Variants in ZC3H7A observed in about 807,000 individuals in gnomAD.
ZC3H7A encodes the protein zinc finger CCCH domain-containing protein 7A.
In ZC3H7A, 44 loss-of-function variants were observed where a neutral mutation model predicts 125.5. The observed-to-expected ratio is 0.35, with a 90% CI of 0.28 to 0.45. The LOEUF (loss-of-function observed/expected upper bound fraction) is 0.45. ZC3H7A is among the 20% of genes least tolerant of loss of function. ZC3H7A has a pLI of 1.00. For synonymous variants in ZC3H7A, 399 were observed against 391.2 expected (o/e 1.02, Z -0.23); for missense variants, 977 against 1,170.7 (o/e 0.83, Z 2.41).
At chr16:11,779,634 C>A (rs1470994300) in intron 3 of ZC3H7A, among the ~76,000 whole-genome samples, 2 of 152,174 alleles carry the variant, frequency 1.3e-5, no homozygotes, top group African/African-American at 4.8e-5. Flanking sequence ...CAATTCTGTG[C>A]CCGCTAGAGA....
intron 21 of ZC3H7A, among the ~76,000 whole-genome samples, chr16:11,754,982 G>T (rs1053191852): frequency 6.6e-6 from 1 of 151,290 alleles, no homozygotes; most frequent in Non-Finnish European, 1.5e-5. Flanking sequence ...GGCTGAGGCG[G>T]GTGGATCACA....
Position 11,782,382 on chromosome 16 carries a change from G to C in ZC3H7A, c.-28C>G, listed in dbSNP as rs367981608. The C allele has an allele frequency of 2.0e-5, 33 of 1,613,380 alleles. No individual in the cohort carries two copies. The African/African-American group carries it at 4.3e-4, about 21-fold the overall frequency. On this transcript the variant is annotated 5_prime_UTR_variant, in exon 2 of 23. Transcript: ENST00000355758. The stretch of plus-strand genomic sequence containing the variant: ...TATCCCACACATCCACTTTCTAAAT[G>C]AGCAATCTGGAAAGAAACAAGGCAA...
chr16:11,784,799 A>G (rs1168969157), intron 1 of ZC3H7A, among the ~76,000 whole-genome samples: 3 of 149,130 alleles, frequency 2.0e-5, no homozygotes, highest in Non-Finnish European at 4.4e-5. Flanking sequence ...GGTTGCAGTG[A>G]GCCAAGATCA....
chr16:11,770,130 C>A (rs2052953816), intron 10 of ZC3H7A, among the ~76,000 whole-genome samples: 1 of 151,976 alleles, frequency 6.6e-6, no homozygotes, highest in Non-Finnish European at 1.5e-5. Flanking sequence ...TTTCTCTCTG[C>A]CCTTCTGTCT....
In ZC3H7A at chr16:11,762,680, A is replaced by G; in HGVS notation, c.2070T>C (p.Pro690=). The G allele has an allele frequency of 1.2e-6, 2 of 1,614,044 alleles. No homozygotes were observed. Among genetic ancestry groups the G allele is most frequent in the Non-Finnish European group, 8.5e-7 (1 of 1,179,986 alleles). The stretch of plus-strand genomic sequence containing the variant: ...CACAAGAGAAAAATACCTGCGCTCC[A>G]GGTACATTTGCTTCCAAATTCTGCC... ...RYWQNLEANV[P]GAQVLGNQIM... The change falls in exon 17 of 23, where the codon CCT becomes CCC. Residue 690 remains proline (P), a synonymous_variant. Coordinates refer to ENST00000355758, the MANE Select transcript of ZC3H7A (RefSeq NM_014153.4).
intron 3 of ZC3H7A, 21 bp from the exon 4 acceptor site, chr16:11,779,384 A>G (rs2053136663): frequency 5.0e-6 from 8 of 1,596,758 alleles, no homozygotes; most frequent in Non-Finnish European, 6.0e-6. Context: ...GAAAGTTACC[A>G]CTTGAAGCCT....
At chr16:11,764,592 G>A (rs1017389226) in intron 15 of ZC3H7A, among the ~76,000 whole-genome samples, 16 of 151,880 alleles carry the variant, frequency 1.1e-4, no homozygotes, top group Middle Eastern at 3.4e-3. Flanking sequence ...CCTAGTGGTG[G>A]GTGTCTGTAA....
rs2303821 is a variant in ZC3H7A, at chr16:11,752,847, A to G, written c.2563-15T>C. On this transcript the variant is annotated splice_polypyrimidine_tract_variant and intron_variant, in intron 21 of 22. Transcript: ENST00000355758. ...TGAAAGTCCACCTAATGTGCAGCAAAGACACATGTCCCATTAGTCACCTGA... is the reference window on the plus strand; with the variant it reads ...TGAAAGTCCACCTAATGTGCAGCAAGGACACATGTCCCATTAGTCACCTGA... The G allele has an allele frequency of 4.3e-5, 69 of 1,609,758 alleles. 2 individuals carry two copies. In the East Asian group the frequency reaches 1.3e-3, roughly 30 times the overall value.
chr16:11,795,490 G>A (rs925603742), intron 1 of ZC3H7A, among the ~76,000 whole-genome samples: 12 of 152,254 alleles, frequency 7.9e-5, no homozygotes, highest in Admixed American at 2.0e-4. Flanking sequence ...AGGGAGGAGT[G>A]CAGTGGCACA....
At chr16:11,796,254 T>C (rs1489293989) in intron 1 of ZC3H7A, 1 of 152,246 alleles carries the variant, frequency 6.6e-6, no homozygotes, top group Non-Finnish European at 1.5e-5. Context: ...CATCCGAAGT[T>C]TTTAAAATCA....
At chr16:11,769,779 G>GTTTTTTTTTTTTT (rs2052942203) in intron 10 of ZC3H7A, among the ~76,000 whole-genome samples, 1 of 63,544 alleles carries the variant, frequency 1.6e-5, no homozygotes, top group Non-Finnish European at 2.6e-5. Flanking sequence ...GTTTTCAATT[G>GTTTTTTTTTTTTT]CTTTCTTTTT....
At chr16:11,776,058 G>A (rs890186265) in intron 7 of ZC3H7A, among the ~76,000 whole-genome samples, 4 of 152,194 alleles carry the variant, frequency 2.6e-5, no homozygotes, top group African/African-American at 9.7e-5. Flanking sequence ...CTACTCGGGA[G>A]GCTGAGGTGG....
chr16:11,753,710 G>A (rs992330949), intron 21 of ZC3H7A: 3 of 152,264 alleles, frequency 2.0e-5, no homozygotes, highest in East Asian at 1.9e-4. Context: ...GTGGAGTGAT[G>A]CGATCTTGGC....
chr16:11,762,550 CTGAA>C (rs747835658), intron 17 of ZC3H7A, 117 bp downstream of exon 17: 50 of 911,182 alleles, frequency 5.5e-5, no homozygotes, highest in East Asian at 2.4e-4. Flanking sequence ...AATGACTCAC[CTGAA>C]TGAATATTAA....
At chr16:11,772,985 C>T (rs1472962221) in intron 9 of ZC3H7A, among the ~76,000 whole-genome samples, 2 of 151,684 alleles carry the variant, frequency 1.3e-5, no homozygotes, top group Admixed American at 6.6e-5. Context: ...GCCACTGCAC[C>T]CAGCAGAAAA....
rs527432272 is a variant in ZC3H7A at position 11,789,261 on chromosome 16, GTTTGTT to G, written c.-34-6879_-34-6874del. Among the ~76,000 whole-genome samples the G allele has an allele frequency of 4.9e-4, 74 of 152,046 alleles. No individual in the cohort carries two copies. The East Asian group carries it at 0.012, about 24-fold the overall frequency. ...GTAAAAGTATTCTGTGTATATGTTT[GTTTGTT>G]TTTATTTTTTTTTTGAGACAAACTC... On this transcript the variant is annotated intron_variant, in intron 1 of 22. Coordinates refer to ENST00000355758, the MANE Select transcript of ZC3H7A (RefSeq NM_014153.4).
chr16:11,796,249 G>A (rs1459297576), intron 1 of ZC3H7A: 2 of 152,160 alleles, frequency 1.3e-5, no homozygotes, highest in African/African-American at 2.4e-5. Context: ...TTTCTCATCC[G>A]AAGTTTTTAA....
intron 2 of ZC3H7A, 131 bp from the exon 3 acceptor site, chr16:11,781,595 T>A: frequency 2.8e-6 from 2 of 725,414 alleles, no homozygotes; most frequent in African/African-American, 1.7e-5. Context: ...GACTTCCTCC[T>A]CCTTTACTAC....
In ZC3H7A at chr16:11,770,996, G is replaced by GAAAAAAAAA; in HGVS notation, c.904-10_904-9insTTTTTTTTT. The GAAAAAAAAA allele has an allele frequency of 6.3e-7, 1 of 1,581,878 alleles. No individual in the cohort carries two copies. Among genetic ancestry groups the GAAAAAAAAA allele is most frequent in the Admixed American group, 1.9e-5 (1 of 51,344 alleles). On this transcript the variant is annotated splice_polypyrimidine_tract_variant and intron_variant, in intron 9 of 22. Coordinates refer to ENST00000355758, the MANE Select transcript of ZC3H7A (RefSeq NM_014153.4). Reference sequence around the variant, plus strand: ...CTGACTAAAGCTGACGGCTGCGGAAGAAAAAAAGATGTGATTAAAATTCAT... The same window carrying GAAAAAAAAA: ...CTGACTAAAGCTGACGGCTGCGGAAGAAAAAAAAAAAAAAAAGATGTGATTAAAATTCAT...
Sources: allele counts gnomAD v4.1 joint callset (sites outside exome capture counted in the v4.1 genomes callset), GRCh38; gene constraint gnomAD v4.1.1; transcripts MANE v1.5; gene names NCBI Gene and HGNC (gene_info 2026-07-23, HGNC 2026-07-21).